Variants in ADGRL2 observed in about 807,000 individuals in gnomAD.
The protein encoded by ADGRL2 is calcium-independent alpha-latrotoxin receptor 2.
Under a neutral mutation model 157.4 loss-of-function variants are expected in ADGRL2, and 44 were observed. That is an observed-to-expected ratio of 0.28 (90% CI 0.22 to 0.36). The LOEUF (loss-of-function observed/expected upper bound fraction) is 0.36. Among genes scored for constraint, ADGRL2 ranks in the 10% least tolerant of loss-of-function variants. The pLI is 1.00. For missense variants in ADGRL2, 1,510 were observed against 1,768.9 expected, an observed-to-expected ratio of 0.85 and a Z score of 2.63; for synonymous variants, 585 against 624.7, an observed-to-expected ratio of 0.94 and a Z score of 0.95.
intron 10 of ADGRL2, 102 bp from the exon 11 acceptor site, chr1:81,955,775 C>T (rs1291911151): frequency 2.6e-5 from 18 of 702,226 alleles, no homozygotes; most frequent in Non-Finnish European, 4.3e-5. Context: ...AAGAGTAAAT[C>T]ATCATGACAG....
chr1:81,669,894 G>A (rs1298958290), intron 3 of ADGRL2, among the ~76,000 whole-genome samples: 1 of 138,346 alleles, frequency 7.2e-6, no homozygotes, highest in Non-Finnish European at 1.5e-5. Flanking sequence ...AGTGAGTCGA[G>A]ATCAAGCCAC....
chr1:81,447,771 C>G (rs147670120), intron 2 of ADGRL2, among the ~76,000 whole-genome samples: 66 of 152,232 alleles, frequency 4.3e-4, no homozygotes, highest in Non-Finnish European at 8.7e-4. Context: ...GCGTATGCCT[C>G]TCATATGGTT....
intron 2 of ADGRL2, among the ~76,000 whole-genome samples, chr1:81,481,875 T>C (rs1399942238): frequency 1.3e-5 from 2 of 152,168 alleles, no homozygotes; most frequent in Non-Finnish European, 2.9e-5. Context: ...TTTGCCTCCA[T>C]CTCACACAGA....
At chr1:81,417,393 T>C (rs1418631366) in intron 1 of ADGRL2, among the ~76,000 whole-genome samples, 1 of 152,194 alleles carries the variant, frequency 6.6e-6, no homozygotes, top group Non-Finnish European at 1.5e-5. Context: ...GCTTTTTCTT[T>C]AATACTTTAT....
At chr1:81,389,528 G>C (rs2076496269) in intron 1 of ADGRL2, among the ~76,000 whole-genome samples, 1 of 152,162 alleles carries the variant, frequency 6.6e-6, no homozygotes, top group Admixed American at 6.5e-5. Flanking sequence ...AGAAATTAAA[G>C]TTAAATTAAA....
At chr1:81,924,247 A>C (rs2095053742) in intron 3 of ADGRL2, among the ~76,000 whole-genome samples, 1 of 151,710 alleles carries the variant, frequency 6.6e-6, no homozygotes, top group Non-Finnish European at 1.5e-5. Context: ...CTCAGACTAG[A>C]AGCATAGTAT....
intron 2 of ADGRL2, among the ~76,000 whole-genome samples, chr1:81,494,703 C>T (rs1301894463): frequency 6.6e-6 from 1 of 152,142 alleles, no homozygotes; most frequent in Non-Finnish European, 1.5e-5. Flanking sequence ...CAACACTTCT[C>T]TTTTACAAAT....
intron 2 of ADGRL2, among the ~76,000 whole-genome samples, chr1:81,838,563 C>G (rs1050977536): frequency 1.3e-5 from 2 of 151,990 alleles, no homozygotes; most frequent in African/African-American, 2.4e-5. Flanking sequence ...TGTGTGTAGT[C>G]TGATGATTTT....
chr1:81,392,938 C>T (rs1313969134), intron 1 of ADGRL2, among the ~76,000 whole-genome samples: 2 of 151,800 alleles, frequency 1.3e-5, no homozygotes, highest in African/African-American at 2.4e-5. Context: ...CTTTTTGTGC[C>T]CCATCCAACC....
At chr1:81,322,225 A>G (rs1660576307) in intron 1 of ADGRL2, among the ~76,000 whole-genome samples, 1 of 151,054 alleles carries the variant, frequency 6.6e-6, no homozygotes. Context: ...GTATAAACAA[A>G]AATATGTGAT....
intron 1 of ADGRL2, among the ~76,000 whole-genome samples, chr1:81,368,117 T>A (rs544085807): frequency 1.3e-5 from 2 of 152,314 alleles, no homozygotes; most frequent in South Asian, 4.1e-4. Flanking sequence ...TCTTCCACAA[T>A]GGTTGAATTA....
chr1:81,608,241 G>A (rs1374770682), intron 3 of ADGRL2, among the ~76,000 whole-genome samples: 2 of 152,106 alleles, frequency 1.3e-5, no homozygotes, highest in Non-Finnish European at 2.9e-5. Flanking sequence ...GGTGAAGGGT[G>A]GGTCAGAGGG....
intron 2 of ADGRL2, among the ~76,000 whole-genome samples, chr1:81,528,341 G>A (rs34868571): frequency 0.55 from 83,854 of 151,956 alleles, 24,141 homozygotes; most frequent in East Asian, 0.67. Context: ...GGTAGCTGAG[G>A]TTCTTTAGAA....
Position 81,990,437 on chromosome 1 carries a change from A to G in ADGRL2, c.3702A>G (p.Leu1234=), listed in dbSNP as rs747833199. The G allele has an allele frequency of 1.9e-6, 3 of 1,614,098 alleles. No homozygotes were observed. The highest frequency in any genetic ancestry group is 2.5e-6 in the Non-Finnish European group (3 of 1,179,956). The change falls in exon 24 of 24, where the codon CTA becomes CTG. Residue 1234 remains leucine (L), a synonymous_variant. Transcript: ENST00000686636. ...GGGATACAAGTGCCATGGATACTCTACCGCTAAATGGTAATTTTAACAACA... is the reference window on the plus strand; with the variant it reads ...GGGATACAAGTGCCATGGATACTCTGCCGCTAAATGGTAATTTTAACAACA... ...NARDTSAMDT[L]PLNGNFNNSY... is the part of the protein sequence containing the mutation.
intron 1 of ADGRL2, among the ~76,000 whole-genome samples, chr1:81,826,130 G>A (rs1485715873): frequency 6.6e-6 from 1 of 152,160 alleles, no homozygotes; most frequent in Non-Finnish European, 1.5e-5. Context: ...TTGGAGACTA[G>A]GCTAATTTCA....
intron 2 of ADGRL2, among the ~76,000 whole-genome samples, chr1:81,479,627 A>C (rs2078344478): frequency 6.6e-6 from 1 of 152,196 alleles, no homozygotes; most frequent in African/African-American, 2.4e-5. Context: ...TACGAGAGAC[A>C]GGGAAAACAA....
intron 1 of ADGRL2, among the ~76,000 whole-genome samples, chr1:81,430,051 G>T (rs1179679775): frequency 6.6e-6 from 1 of 152,050 alleles, no homozygotes; most frequent in Non-Finnish European, 1.5e-5. Flanking sequence ...GCACCGCCAC[G>T]CCTGGCTTAT....
intron 4 of ADGRL2, 53 bp from the exon 5 acceptor site, chr1:81,941,981 T>C (rs1311537007): frequency 1.3e-6 from 1 of 745,636 alleles, no homozygotes; most frequent in Non-Finnish European, 2.5e-6. Context: ...TTAATCTTTT[T>C]TCTTTTTTCC....
chr1:81,842,615 C>T (rs182022961), intron 2 of ADGRL2, among the ~76,000 whole-genome samples: 1 of 152,100 alleles, frequency 6.6e-6, no homozygotes, highest in East Asian at 1.9e-4. Flanking sequence ...CTTGGCCTCC[C>T]AAAGGACTGG....
Sources: gnomAD v4.1 joint callset for allele counts (sites outside exome capture counted in the v4.1 genomes callset) on GRCh38, gnomAD v4.1.1 for gene constraint, MANE v1.5 for transcripts, NCBI Gene and HGNC (gene_info 2026-07-23, HGNC 2026-07-21) for gene names.